Variants in TIMP3 observed in about 807,000 individuals in gnomAD.
The protein encoded by TIMP3 is metalloproteinase inhibitor 3.
Under a neutral mutation model 30.0 loss-of-function variants are expected in TIMP3, and 11 were observed. That is an observed-to-expected ratio of 0.37 (90% confidence interval 0.23 to 0.61). TIMP3 has a LOEUF of 0.61. TIMP3 is among the 20% of genes least tolerant of loss of function. The pLI is 0.70. For missense variants in TIMP3, 181 were observed against 276.8 expected (o/e 0.65, Z 2.45); for synonymous variants, 112 against 111.3 (o/e 1.01, Z -0.04).
chr22:32,855,460 G>A lies in TIMP3; in HGVS notation c.205-1789G>A, dbSNP rs192418870. Among the ~76,000 whole-genome samples, 3 of 152,250 alleles carry A rather than the reference G, an allele frequency of 2.0e-5. No homozygotes were observed. In the East Asian group the frequency reaches 5.8e-4, roughly 29 times the overall value. ...AGTCTAAGATAATGGGTAAGAGTAT[G>A]GACTCTGAAGGCAGAGTCCTCTGCT... On this transcript the variant is annotated intron_variant, in intron 2 of 4. Transcript: ENST00000266085.
At chr22:32,802,509 G>GT (rs988635544) in intron 1 of TIMP3, among the ~76,000 whole-genome samples, 5 of 147,828 alleles carry the variant, frequency 3.4e-5, no homozygotes, top group African/African-American at 1.3e-4. Flanking sequence ...AAATTGAATA[G>GT]TTAAAAAAAA....
chr22:32,812,087 C>T (rs895028891), intron 1 of TIMP3, among the ~76,000 whole-genome samples: 13 of 152,118 alleles, frequency 8.5e-5, no homozygotes, highest in African/African-American at 3.1e-4. Context: ...GTGATACTGA[C>T]CTCCCTGGGT....
chr22:32,857,912 C>T (rs2048417266), intron 3 of TIMP3, 105 bp from the exon 4 acceptor site: 8 of 1,557,402 alleles, frequency 5.1e-6, no homozygotes, highest in East Asian at 2.3e-5. Flanking sequence ...GAAAAGTACC[C>T]AGCCACAGTG....
intron 1 of TIMP3, among the ~76,000 whole-genome samples, chr22:32,818,550 G>T (rs534731209): frequency 6.6e-6 from 1 of 152,150 alleles, no homozygotes; most frequent in African/African-American, 2.4e-5. Context: ...CGCTTTCAGA[G>T]TATTTAAAGG....
At chr22:32,831,706 C>A (rs2047579180) in intron 1 of TIMP3, among the ~76,000 whole-genome samples, 1 of 152,186 alleles carries the variant, frequency 6.6e-6, no homozygotes, top group Admixed American at 6.5e-5. Flanking sequence ...ACACCAGGAT[C>A]CACCTGCCCC....
At chr22:32,814,337 A>AAGAGAAAGAAAG (rs1386455549) in intron 1 of TIMP3, among the ~76,000 whole-genome samples, 3 of 25,894 alleles carry the variant, frequency 1.2e-4, no homozygotes, top group African/African-American at 4.7e-4. Context: ...GAAAGAAAGA[A>AAGAGAAAGAAAG]AGAGAAAGAA....
chr22:32,857,178 C>T, intron 2 of TIMP3, 71 bp from the exon 3 acceptor site: 1 of 1,136,572 alleles, frequency 8.8e-7, no homozygotes, highest in South Asian at 1.2e-5. Flanking sequence ...ACATACCCAG[C>T]AGTGGGATTA....
intron 1 of TIMP3, among the ~76,000 whole-genome samples, chr22:32,825,654 T>A (rs1601463775): frequency 2.6e-5 from 2 of 77,538 alleles, no homozygotes; most frequent in African/African-American, 1.1e-4. Flanking sequence ...CGAGTTTCCA[T>A]CTCAAAAAAA....
At chr22:32,830,964 C>T (rs1234229797) in intron 1 of TIMP3, among the ~76,000 whole-genome samples, 2 of 151,792 alleles carry the variant, frequency 1.3e-5, no homozygotes, top group Admixed American at 6.6e-5. Flanking sequence ...TTTTTTTTTC[C>T]CCAACCAGGG....
chr22:32,823,353 G>T (rs1339973149), intron 1 of TIMP3, among the ~76,000 whole-genome samples: 1 of 152,182 alleles, frequency 6.6e-6, no homozygotes, highest in East Asian at 1.9e-4. Context: ...CGCAAGGGAT[G>T]TTTCTGTTGG....
chr22:32,842,181 C>G (rs771500297), intron 1 of TIMP3, among the ~76,000 whole-genome samples: 1 of 152,176 alleles, frequency 6.6e-6, no homozygotes, highest in African/African-American at 2.4e-5. Context: ...CCAGACCCCA[C>G]GTGCTCCATG....
intron 1 of TIMP3, among the ~76,000 whole-genome samples, chr22:32,829,465 T>C (rs1037118413): frequency 1.3e-5 from 2 of 152,136 alleles, no homozygotes; most frequent in Admixed American, 6.5e-5. Flanking sequence ...TGCACCCACA[T>C]GTAGGCTCAC....
Position 32,834,996 on chromosome 22 carries a change from C to T in TIMP3, c.122-14456C>T, listed in dbSNP as rs548817137. Among the ~76,000 whole-genome samples, 66 of 152,360 alleles carry T rather than the reference C, an allele frequency of 4.3e-4. 1 individual carries two copies. Among genetic ancestry groups the T allele is most frequent in the African/African-American group, 1.5e-3 (64 of 41,588 alleles). On this transcript the variant is annotated intron_variant, in intron 1 of 4. Coordinates refer to ENST00000266085, the MANE Select transcript of TIMP3 (RefSeq NM_000362.5). Reference sequence around the variant, plus strand: ...TTTGCAGTCCTCAGCCATGTGACCTCCGACCTGTCAGTCTTGGTCTGATTG... The same window carrying T: ...TTTGCAGTCCTCAGCCATGTGACCTTCGACCTGTCAGTCTTGGTCTGATTG...
chr22:32,805,594 G>A (rs900183421), intron 1 of TIMP3, among the ~76,000 whole-genome samples: 7 of 151,940 alleles, frequency 4.6e-5, no homozygotes, highest in East Asian at 1.9e-4. Flanking sequence ...CTGGTTGCAC[G>A]CACTTCCCAA....
At chr22:32,809,283 A>C (rs959428118) in intron 1 of TIMP3, among the ~76,000 whole-genome samples, 1 of 152,196 alleles carries the variant, frequency 6.6e-6, no homozygotes, top group Non-Finnish European at 1.5e-5. Flanking sequence ...AAGGGCTACA[A>C]CTTTTTAGAC....
chr22:32,836,335 T>C (rs989800824), intron 1 of TIMP3, among the ~76,000 whole-genome samples: 6 of 152,208 alleles, frequency 3.9e-5, no homozygotes, highest in Non-Finnish European at 5.9e-5. Flanking sequence ...ACGATGTTCA[T>C]AGAGTAGTTG....
At chr22:32,850,322 A>G (rs1053812609) in intron 2 of TIMP3, among the ~76,000 whole-genome samples, 8 of 151,840 alleles carry the variant, frequency 5.3e-5, no homozygotes, top group African/African-American at 1.9e-4. Context: ...ACCTGTTAAC[A>G]GTGTGGGGTT....
chr22:32,848,268 TATCTACTGGGTAA>T (rs1476192483), intron 1 of TIMP3, among the ~76,000 whole-genome samples: 1 of 152,246 alleles, frequency 6.6e-6, no homozygotes, highest in Non-Finnish European at 1.5e-5. Context: ...AGTTAACTAG[TATCTACTGGGTAA>T]ATCCTTTCTG....
chr22:32,807,106 C>G (rs1005835518), intron 1 of TIMP3, among the ~76,000 whole-genome samples: 1 of 150,460 alleles, frequency 6.6e-6, no homozygotes, highest in Non-Finnish European at 1.5e-5. Flanking sequence ...CTCCTGACTG[C>G]CCCCCTGGCT....
Sources: allele counts gnomAD v4.1 joint callset (sites outside exome capture counted in the v4.1 genomes callset), GRCh38; gene constraint gnomAD v4.1.1; transcripts MANE v1.5; gene names NCBI Gene and HGNC (gene_info 2026-07-23, HGNC 2026-07-21).